The following PMS1 variants were observed in gnomAD, a reference collection of about 807,000 sequenced individuals.
The protein encoded by PMS1 is PMS1 protein homolog 1.
Under a neutral mutation model 93.1 loss-of-function variants are expected in PMS1, and 79 were observed. The observed-to-expected ratio is 0.85, with a 90% confidence interval of 0.71 to 1.02. The LOEUF is 1.02. PMS1 is among the 50% of genes least tolerant of loss of function. PMS1 has a pLI of 0.00. For synonymous variants in PMS1, 335 were observed against 363.4 expected (o/e 0.92, Z 0.89); for missense variants, 1,064 against 1,085.3 (o/e 0.98, Z 0.28).
At chr2:189,845,869 T>C (rs376718888) in intron 6 of PMS1, among the ~76,000 whole-genome samples, 1 of 152,104 alleles carries the variant, frequency 6.6e-6, no homozygotes, top group African/African-American at 2.4e-5. Context: ...TAGCTGGGAC[T>C]ACAGCCACAA....
Position 189,877,310 on chromosome 2 carries a change from C to CTTA in PMS1, c.2675_2677dup (p.Leu892dup), listed in dbSNP as rs764615055. On this transcript the variant is annotated inframe_insertion, in exon 13 of 13. Transcript: ENST00000441310. ...GTCTATCCAGACAATTACCCATGTACTTATCAAAAGAGGACATCCAAGACA... is the reference window on the plus strand; with the variant it reads ...GTCTATCCAGACAATTACCCATGTACTTATTATCAAAAGAGGACATCCAAGACA... 24 of 1,613,310 alleles carry CTTA rather than the reference C, an allele frequency of 1.5e-5. No homozygotes were observed. In the African/African-American group the frequency reaches 2.9e-4, roughly 20 times the overall value.
chr2:189,798,364 G>A (rs541447349), intron 3 of PMS1, among the ~76,000 whole-genome samples: 1 of 152,310 alleles, frequency 6.6e-6, no homozygotes, highest in Non-Finnish European at 1.5e-5. Context: ...TTTGCTGTTG[G>A]AGCATAGAGG....
At chr2:189,840,330 G>A (rs934886791) in intron 5 of PMS1, among the ~76,000 whole-genome samples, 2 of 152,166 alleles carry the variant, frequency 1.3e-5, no homozygotes, top group African/African-American at 4.8e-5. Flanking sequence ...CTTAGTGTTT[G>A]CCTTATTTGA....
intron 1 of PMS1, among the ~76,000 whole-genome samples, chr2:189,788,602 T>C (rs923657431): frequency 6.6e-6 from 1 of 152,202 alleles, no homozygotes; most frequent in Non-Finnish European, 1.5e-5. Context: ...ATAAGCCACA[T>C]CTATCATTTT....
chr2:189,831,792 T>G (rs1361174873), intron 5 of PMS1, among the ~76,000 whole-genome samples: 1 of 152,182 alleles, frequency 6.6e-6, no homozygotes, highest in African/African-American at 2.4e-5. Flanking sequence ...TTTAAAAATT[T>G]TTTTTTTAAG....
At chr2:189,842,762 A>G (rs890266396) in intron 5 of PMS1, among the ~76,000 whole-genome samples, 3 of 152,264 alleles carry the variant, frequency 2.0e-5, no homozygotes, top group Admixed American at 6.5e-5. Flanking sequence ...AATTTTGATT[A>G]GTAATTAGCT....
chr2:189,864,477 G>A (rs1007629653), intron 10 of PMS1: 1 of 393,110 alleles, frequency 2.5e-6, no homozygotes, highest in African/African-American at 2.1e-5. Flanking sequence ...CCAACATAGT[G>A]AAACCCTGTC....
chr2:189,800,511 G>A (rs2049792917), intron 3 of PMS1, among the ~76,000 whole-genome samples: 1 of 152,098 alleles, frequency 6.6e-6, no homozygotes, highest in African/African-American at 2.4e-5. Flanking sequence ...GACTTAATGG[G>A]TGCATTTTGG....
At chr2:189,835,958 A>G (rs1399412916) in intron 5 of PMS1, among the ~76,000 whole-genome samples, 3 of 145,308 alleles carry the variant, frequency 2.1e-5, no homozygotes, top group African/African-American at 8.2e-5. Flanking sequence ...GTTTGGTGGA[A>G]AAAAAAAAAT....
intron 11 of PMS1, among the ~76,000 whole-genome samples, chr2:189,871,821 C>T (rs1488337798): frequency 6.6e-6 from 1 of 152,174 alleles, no homozygotes; most frequent in Non-Finnish European, 1.5e-5. Context: ...GTTTATTTGG[C>T]TCATGGTTCT....
At chr2:189,800,487 A>G (rs1469589315) in intron 3 of PMS1, among the ~76,000 whole-genome samples, 1 of 152,184 alleles carries the variant, frequency 6.6e-6, no homozygotes, top group African/African-American at 2.4e-5. Flanking sequence ...TTAAAAATAA[A>G]TATTTTTAAA....
chr2:189,877,490 A>T lies in PMS1; in HGVS notation c.*54A>T. 1 of 1,200,724 alleles carries T rather than the reference A, an allele frequency of 8.3e-7. No individual in the cohort carries two copies. 74.4% of individuals were successfully genotyped at this position (1,200,724 alleles called of 1,614,324 possible). On this transcript the variant is annotated 3_prime_UTR_variant, in exon 13 of 13. Coordinates refer to ENST00000441310, the MANE Select transcript of PMS1 (RefSeq NM_000534.5). ...ATTGAAATTGGTTCTGTCATAAAAC[A>T]GCATGAGTCTGGTTTTAAATTATCT...
intron 5 of PMS1, among the ~76,000 whole-genome samples, chr2:189,829,577 C>G (rs998420095): frequency 6.6e-6 from 1 of 152,122 alleles, no homozygotes; most frequent in African/African-American, 2.4e-5. Context: ...TTGACTAAAT[C>G]CTGATTAAAT....
chr2:189,792,247 T>G (rs1229847715), intron 2 of PMS1, among the ~76,000 whole-genome samples: 1 of 152,226 alleles, frequency 6.6e-6, no homozygotes, highest in Non-Finnish European at 1.5e-5. Context: ...GATTTACTTT[T>G]GCATTTTATT....
At chr2:189,857,751 T>A (rs1317923341) in intron 9 of PMS1, among the ~76,000 whole-genome samples, 1 of 152,044 alleles carries the variant, frequency 6.6e-6, no homozygotes, top group Admixed American at 6.6e-5. Context: ...TAAGGAAGAT[T>A]CAGTTAAACA....
chr2:189,855,916 G>T, intron 9 of PMS1: 3 of 901,658 alleles, frequency 3.3e-6, no homozygotes, highest in Non-Finnish European at 4.3e-6. Context: ...ATCATATACA[G>T]GTATCTGAGT....
intron 11 of PMS1, among the ~76,000 whole-genome samples, chr2:189,868,289 T>A (rs929471638): frequency 6.6e-6 from 1 of 152,188 alleles, no homozygotes; most frequent in African/African-American, 2.4e-5. Flanking sequence ...CTAACAAAAA[T>A]GGACATCTTT....
chr2:189,853,299 G>A (rs5743133), intron 7 of PMS1, among the ~76,000 whole-genome samples: 23 of 151,138 alleles, frequency 1.5e-4, no homozygotes, highest in African/African-American at 5.1e-4. Flanking sequence ...CAAGTGATCC[G>A]CCCACCTCGG....
chr2:189,829,869 C>T (rs113424666), intron 5 of PMS1, among the ~76,000 whole-genome samples: 2 of 152,256 alleles, frequency 1.3e-5, no homozygotes, highest in African/African-American at 4.8e-5. Flanking sequence ...CACTGTGGTC[C>T]AAGCCACCAT....
Sources: gnomAD v4.1 joint callset for allele counts (sites outside exome capture counted in the v4.1 genomes callset) on GRCh38, gnomAD v4.1.1 for gene constraint, MANE v1.5 for transcripts, NCBI Gene and HGNC (gene_info 2026-07-23, HGNC 2026-07-21) for gene names.